Variants in CCDC83 observed in about 807,000 individuals in gnomAD.
The protein encoded by CCDC83 is coiled-coil domain-containing protein 83.
Under a neutral mutation model 50.1 loss-of-function variants are expected in CCDC83, and 54 were observed. That is an observed-to-expected ratio of 1.08 (90% CI 0.87 to 1.35). CCDC83 has a LOEUF of 1.35. Ranked by LOEUF, CCDC83 falls within the 40% of genes most tolerant of loss-of-function variation. The pLI, the probability that CCDC83 is intolerant of heterozygous loss-of-function variation, is 0.00. For missense variants in CCDC83, 518 were observed against 473.9 expected (o/e 1.09, Z -0.86); for synonymous variants, 161 against 153.3 (o/e 1.05, Z -0.37).
At chr11:85,911,512 T>C (rs2093454226) in intron 8 of CCDC83, 110 bp downstream of exon 8, 3 of 914,002 alleles carry the variant, frequency 3.3e-6, no homozygotes, top group African/African-American at 3.4e-5. Context: ...GCTCCAGCAG[T>C]AGTCAAAAAG....
chr11:85,909,609 CTTTTTTTTTT>C (rs71468972), intron 7 of CCDC83, among the ~76,000 whole-genome samples: 232 of 57,682 alleles, frequency 4.0e-3, no homozygotes, highest in African/African-American at 0.016. Context: ...TCAAAATACA[CTTTTTTTTTT>C]TTTTTTTTTT....
At chr11:85,883,111 T>A (rs1487921411) in intron 4 of CCDC83, among the ~76,000 whole-genome samples, 1 of 151,904 alleles carries the variant, frequency 6.6e-6, no homozygotes, top group Non-Finnish European at 1.5e-5. Context: ...AGAGATGAGG[T>A]CTTGCTATGT....
At chr11:85,887,035 T>C (rs1249766425) in intron 5 of CCDC83, among the ~76,000 whole-genome samples, 1 of 152,100 alleles carries the variant, frequency 6.6e-6, no homozygotes, top group African/African-American at 2.4e-5. Flanking sequence ...AGAATTCACC[T>C]GGGGCAAGCT....
chr11:85,888,630 C>T (rs2093337991), intron 5 of CCDC83, among the ~76,000 whole-genome samples: 1 of 152,038 alleles, frequency 6.6e-6, no homozygotes, highest in Admixed American at 6.5e-5. Context: ...CCCAACTTAT[C>T]AGTCTTTGAT....
intron 10 of CCDC83, among the ~76,000 whole-genome samples, chr11:85,918,792 G>T (rs1399917182): frequency 1.3e-5 from 2 of 152,186 alleles, no homozygotes; most frequent in Non-Finnish European, 2.9e-5. Flanking sequence ...TCATCCACAT[G>T]TTGCAAGAGA....
At chr11:85,861,426 A>G (rs143032167) in intron 1 of CCDC83, among the ~76,000 whole-genome samples, 95 of 152,352 alleles carry the variant, frequency 6.2e-4, no homozygotes, top group African/African-American at 2.2e-3. Flanking sequence ...TGGCTGAGCC[A>G]CAACTAGACT....
chr11:85,873,137 C>T, intron 2 of CCDC83, 74 bp from the exon 3 acceptor site: 1 of 733,762 alleles, frequency 1.4e-6, no homozygotes, highest in South Asian at 2.5e-5. Flanking sequence ...TAATTCACTT[C>T]AAATACCTTT....
intron 10 of CCDC83, among the ~76,000 whole-genome samples, chr11:85,916,913 C>T (rs1164627206): frequency 6.6e-6 from 1 of 151,880 alleles, no homozygotes; most frequent in East Asian, 1.9e-4. Flanking sequence ...AAATTTGAGA[C>T]CAGCCTGGCC....
intron 8 of CCDC83, among the ~76,000 whole-genome samples, chr11:85,913,230 T>C (rs535674299): frequency 1.3e-5 from 2 of 152,348 alleles, no homozygotes; most frequent in South Asian, 2.1e-4. Context: ...GTGTCCTTGC[T>C]ATATGCTCCC....
intron 9 of CCDC83, 64 bp from the exon 10 acceptor site, chr11:85,915,964 A>C (rs1270910020): frequency 9.3e-7 from 1 of 1,077,320 alleles, no homozygotes; most frequent in Non-Finnish European, 1.4e-6. Flanking sequence ...CAAAGTATGT[A>C]TTGCATTTTT....
At chr11:85,867,148 TG>T (rs888571083) in intron 2 of CCDC83, among the ~76,000 whole-genome samples, 3 of 152,220 alleles carry the variant, frequency 2.0e-5, no homozygotes, top group African/African-American at 7.2e-5. Context: ...ATCAAACTCC[TG>T]GGCTCAAGTG....
intron 5 of CCDC83, 29 bp from the exon 6 acceptor site, chr11:85,895,264 C>CTTATTTTT (rs755186736): frequency 1.4e-5 from 5 of 363,098 alleles, no homozygotes; most frequent in South Asian, 3.4e-5. Context: ...TTTTAATTTT[C>CTTATTTTT]TTTTTTTTTT....
chr11:85,919,266 C>T, intron 10 of CCDC83, 83 bp from the exon 11 acceptor site: 1 of 1,303,098 alleles, frequency 7.7e-7, no homozygotes, highest in South Asian at 1.5e-5. Flanking sequence ...TAAAGGCCAA[C>T]TGTAATAAAG....
At chr11:85,903,177 G>A (rs1327465354) in intron 7 of CCDC83, among the ~76,000 whole-genome samples, 2 of 152,108 alleles carry the variant, frequency 1.3e-5, no homozygotes, top group Non-Finnish European at 2.9e-5. Context: ...AGGTTGCAGT[G>A]AGCTGAGAGT....
chr11:85,883,768 C>T (rs192346986), intron 4 of CCDC83, among the ~76,000 whole-genome samples: 4 of 152,244 alleles, frequency 2.6e-5, no homozygotes, highest in Admixed American at 2.6e-4. Flanking sequence ...TCTCCAAGTG[C>T]CTACTTAGCT....
Position 85,916,127 on chromosome 11 carries a change from T to G in CCDC83, c.974T>G (p.Ile325Ser). The part of the protein sequence containing the change: ...TILHLSHENS[I>S]EDLQYVKIDK... Reference sequence around the variant, plus strand: ...TTACATCTTAGTCATGAAAATAGCATCGAAGATCTCCAGTATGTGAAGATA... The same window carrying G: ...TTACATCTTAGTCATGAAAATAGCAGCGAAGATCTCCAGTATGTGAAGATA... Residue 325 changes from isoleucine (I) to serine (S), a missense_variant, in exon 10 of 11, where the codon ATC becomes AGC. Transcript: ENST00000342404. 6.2e-7 allele frequency: 1 copy of G among 1,613,170 alleles called. No homozygotes were observed. Among genetic ancestry groups the G allele is most frequent in the Non-Finnish European group, 8.5e-7 (1 of 1,179,274 alleles).
In CCDC83 at chr11:85,863,917, C is replaced by T. The variant is rs973058653; in HGVS notation, c.-28-1179C>T. ...AGAGATATATGCCCTTTTTCTATATCTCAGACACTATGCTAGGTGCTTTAA... is the reference window on the plus strand; with the variant it reads ...AGAGATATATGCCCTTTTTCTATATTTCAGACACTATGCTAGGTGCTTTAA... On this transcript the variant is annotated intron_variant, in intron 1 of 10. Transcript: ENST00000342404. 2.0e-5 allele frequency among the ~76,000 whole-genome samples: 3 copies of T among 152,346 alleles called. No homozygotes were observed. In the South Asian group the frequency reaches 6.2e-4, roughly 32 times the overall value.
intron 7 of CCDC83, among the ~76,000 whole-genome samples, chr11:85,906,205 A>G (rs980064921): frequency 1.5e-4 from 22 of 151,574 alleles, no homozygotes; most frequent in Non-Finnish European, 2.4e-4. Context: ...AGCTGGGATT[A>G]CAGCTGCCCA....
chr11:85,902,281 T>C (rs776613178), intron 7 of CCDC83, among the ~76,000 whole-genome samples: 35 of 152,206 alleles, frequency 2.3e-4, no homozygotes, highest in Non-Finnish European at 4.6e-4. Context: ...TGGAGTTCTA[T>C]AGTCAGCTAA....
Sources: gnomAD v4.1 joint callset for allele counts (sites outside exome capture counted in the v4.1 genomes callset) on GRCh38, gnomAD v4.1.1 for gene constraint, MANE v1.5 for transcripts, NCBI Gene and HGNC (gene_info 2026-07-23, HGNC 2026-07-21) for gene names.